The following CDH18 variants were observed in gnomAD, a reference collection of about 807,000 sequenced individuals.
CDH18 encodes cadherin-18.
In CDH18, 31 loss-of-function variants were observed where a neutral mutation model predicts 67.9. The observed-to-expected ratio is 0.46, with a 90% CI of 0.34 to 0.62. The LOEUF (loss-of-function observed/expected upper bound fraction) is 0.62. Ranked by LOEUF, CDH18 falls within the 20% of genes least tolerant of loss-of-function variation. The pLI is 0.01. For missense variants in CDH18, 890 were observed against 975.5 expected, an observed-to-expected ratio of 0.91 and a Z score of 1.17; for synonymous variants, 362 against 347.2, an observed-to-expected ratio of 1.04 and a Z score of -0.48.
intron 5 of CDH18, among the ~76,000 whole-genome samples, chr5:19,640,307 C>G (rs369052786): frequency 9.9e-5 from 15 of 152,136 alleles, no homozygotes; most frequent in African/African-American, 3.6e-4. Context: ...TAGAAAGCAT[C>G]AAATTCTGAT....
chr5:19,758,900 T>A (rs1411874110), intron 3 of CDH18, among the ~76,000 whole-genome samples: 1 of 152,228 alleles, frequency 6.6e-6, no homozygotes, highest in Admixed American at 6.5e-5. Flanking sequence ...ACCAATGTAA[T>A]GGACCAGTGT....
intron 1 of CDH18, among the ~76,000 whole-genome samples, chr5:20,443,312 A>T (rs1174177024): frequency 6.6e-6 from 1 of 151,676 alleles, no homozygotes; most frequent in Non-Finnish European, 1.5e-5. Context: ...TCTTGCTTTA[A>T]GAGATACATC....
intron 2 of CDH18, among the ~76,000 whole-genome samples, chr5:19,860,870 T>A (rs943531160): frequency 3.9e-5 from 6 of 152,154 alleles, no homozygotes; most frequent in Non-Finnish European, 7.4e-5. Flanking sequence ...GAAGAAATTG[T>A]TTCCTAAATT....
chr5:19,616,300 A>T (rs1183553920), intron 5 of CDH18, among the ~76,000 whole-genome samples: 1 of 151,986 alleles, frequency 6.6e-6, no homozygotes, highest in Non-Finnish European at 1.5e-5. Flanking sequence ...ACACAGATAC[A>T]TACATTGATT....
At chr5:20,263,655 G>T (rs1013031016) in intron 1 of CDH18, among the ~76,000 whole-genome samples, 3 of 152,174 alleles carry the variant, frequency 2.0e-5, no homozygotes, top group Non-Finnish European at 2.9e-5. Flanking sequence ...TGTTCTCACA[G>T]TGTAAGATTG....
chr5:19,709,252 T>C (rs1281461514), intron 5 of CDH18, among the ~76,000 whole-genome samples: 9 of 151,968 alleles, frequency 5.9e-5, no homozygotes, highest in African/African-American at 2.2e-4. Flanking sequence ...GATGGGAGCT[T>C]GAGACATTTA....
At chr5:20,323,978 A>G (rs566881796) in intron 1 of CDH18, among the ~76,000 whole-genome samples, 11 of 152,338 alleles carry the variant, frequency 7.2e-5, no homozygotes, top group African/African-American at 2.6e-4. Context: ...CATTAGAGTA[A>G]CATACTAATG....
chr5:19,526,927 GCTGT>G (rs1300971651), intron 9 of CDH18, among the ~76,000 whole-genome samples: 1 of 151,702 alleles, frequency 6.6e-6, no homozygotes, highest in East Asian at 1.9e-4. Flanking sequence ...CACATTTATA[GCTGT>G]CTAAGTTTCA....
At chr5:20,440,255 C>T (rs1052129295) in intron 1 of CDH18, among the ~76,000 whole-genome samples, 7 of 151,616 alleles carry the variant, frequency 4.6e-5, no homozygotes, top group African/African-American at 1.7e-4. Context: ...GTTGAAACTT[C>T]GGAGAAAGGC....
chr5:20,463,361 A>G (rs977903378), intron 1 of CDH18, among the ~76,000 whole-genome samples: 2 of 152,062 alleles, frequency 1.3e-5, no homozygotes, highest in Admixed American at 6.5e-5. Flanking sequence ...TGTTCAAAGT[A>G]TGGTGTATTA....
intron 2 of CDH18, among the ~76,000 whole-genome samples, chr5:20,139,099 C>A (rs890264552): frequency 1.3e-5 from 2 of 151,936 alleles, no homozygotes; most frequent in African/African-American, 4.8e-5. Flanking sequence ...AACAGCATGA[C>A]ACTGGTACCA....
At chr5:19,643,872 A>G (rs939704498) in intron 5 of CDH18, among the ~76,000 whole-genome samples, 1 of 152,208 alleles carries the variant, frequency 6.6e-6, no homozygotes, top group African/African-American at 2.4e-5. Context: ...TAACTTTCAC[A>G]TGATGAATAA....
At chr5:20,410,432 C>A (rs138940018) in intron 1 of CDH18, among the ~76,000 whole-genome samples, 2 of 151,830 alleles carry the variant, frequency 1.3e-5, no homozygotes, top group Non-Finnish European at 3.0e-5. Context: ...ATAATGAGCA[C>A]ACTTTCATGA....
At chr5:19,547,047 G>C (rs755919476) in intron 8 of CDH18, among the ~76,000 whole-genome samples, 7 of 152,034 alleles carry the variant, frequency 4.6e-5, no homozygotes, top group Non-Finnish European at 1.0e-4. Flanking sequence ...ATGTCACTGG[G>C]GTTCCCAAAG....
intron 3 of CDH18, among the ~76,000 whole-genome samples, chr5:19,794,450 T>C (rs1253221563): frequency 1.3e-5 from 2 of 152,134 alleles, no homozygotes; most frequent in Admixed American, 6.6e-5. Flanking sequence ...TTTACTTGTA[T>C]TGAATGACAT....
chr5:20,255,385 G>C (rs1159965265), intron 2 of CDH18: 1 of 152,054 alleles, frequency 6.6e-6, no homozygotes, highest in Non-Finnish European at 1.5e-5. Context: ...ATTTATTACA[G>C]AAATGTTTTA....
chr5:20,273,398 G>A (rs1745579445), intron 1 of CDH18, among the ~76,000 whole-genome samples: 1 of 151,758 alleles, frequency 6.6e-6, no homozygotes, highest in South Asian at 2.1e-4. Flanking sequence ...ATGAGGGCAA[G>A]GCAGATAATA....
intron 1 of CDH18, among the ~76,000 whole-genome samples, chr5:20,397,583 A>G (rs1186904549): frequency 1.3e-5 from 2 of 152,204 alleles, no homozygotes; most frequent in Non-Finnish European, 2.9e-5. Context: ...GTTTACCAGT[A>G]GTCTCTTCAT....
intron 1 of CDH18, among the ~76,000 whole-genome samples, chr5:20,540,115 T>G (rs1756970726): frequency 6.6e-6 from 1 of 152,266 alleles, no homozygotes; most frequent in South Asian, 2.1e-4. Context: ...TTGACTATAT[T>G]ATGTGGTGGA....
Sources: gnomAD v4.1 joint callset for allele counts (sites outside exome capture counted in the v4.1 genomes callset) on GRCh38, gnomAD v4.1.1 for gene constraint, MANE v1.5 for transcripts, NCBI Gene and HGNC (gene_info 2026-07-23, HGNC 2026-07-21) for gene names.